GRINA: variants seen among roughly 807,000 people sequenced by gnomAD.
GRINA encodes the protein glutamate ionotropic receptor NMDA type subunit associated protein 1, also known as protein lifeguard 1.
A neutral mutation model predicts 42.5 loss-of-function variants in GRINA; 26 were observed. That is an observed-to-expected ratio of 0.61 (90% CI 0.45 to 0.85). GRINA has a LOEUF of 0.85. GRINA is among the 40% of genes least tolerant of loss of function. The pLI, the probability that GRINA is intolerant of heterozygous loss-of-function variation, is 0.00. For synonymous variants in GRINA, 256 were observed against 204.2 expected (o/e 1.25, Z -2.17); for missense variants, 475 against 481.5 (o/e 0.99, Z 0.13).
In GRINA at chr8:143,991,373, C is replaced by A; in HGVS notation, c.150C>A (p.Ser50=). 1 of 1,206,768 alleles carries A rather than the reference C, an allele frequency of 8.3e-7. No individual in the cohort carries two copies. The highest frequency in any genetic ancestry group is 1.2e-6 in the Non-Finnish European group (1 of 864,228). The allele number at this position is 1,206,768 out of a possible 1,614,324, so 74.8% of individuals were successfully genotyped here. The change falls in exon 2 of 7, where the codon TCC becomes TCA. Residue 50 remains serine (S), a synonymous_variant. Transcript: ENST00000395068. ...ACCCACAGCCCCCTTTCCAGCCCTC[C>A]CCCTACGGTCAGCCAGGGTACCCCC... ...APYPQPPFQP[S]PYGQPGYPHG...
At position 143,992,706 on chromosome 8, in the gene GRINA, C is replaced by T. The variant is rs2133066713; in HGVS notation, c.981C>T (p.Asp327=). The T allele has an allele frequency of 1.2e-6, 2 of 1,613,974 alleles. No homozygotes were observed. The highest frequency in any genetic ancestry group is 1.1e-5 in the South Asian group (1 of 91,078). ...ALLFTCFLAV[D]TQLLLGNKQL... is the part of the protein sequence containing the mutation. ...GTCACCTCCAGTTCCTCGCAGTGGA[C>T]ACCCAGCTGCTACTGGGGAACAAGC... Residue 327 remains aspartate, a synonymous_variant, in exon 7 of 7, where the codon GAC becomes GAT. Coordinates refer to ENST00000395068, the MANE Select transcript of GRINA (RefSeq NM_001009184.2).
At position 143,991,511 on chromosome 8, in the gene GRINA, A is replaced by AGG; in HGVS notation, c.292_293dup (p.Tyr99AlafsTer70). 1 of 1,542,128 alleles carries AGG rather than the reference A, an allele frequency of 6.5e-7. No individual in the cohort carries two copies. Among genetic ancestry groups the AGG allele is most frequent in the Non-Finnish European group, 8.7e-7 (1 of 1,145,408 alleles). On this transcript the variant is annotated frameshift_variant, in exon 2 of 7. Coordinates refer to ENST00000395068, the MANE Select transcript of GRINA (RefSeq NM_001009184.2). LOFTEE classifies it high-confidence loss of function. Reference sequence around the variant, plus strand: ...GCTACCCACAGGGCCCCTACCCCCAAGGGGGCTACCCCCAGGGGCCATATC... The same window carrying AGG: ...GCTACCCACAGGGCCCCTACCCCCAAGGGGGGGCTACCCCCAGGGGCCATATC...
At chr8:143,991,135 C>T (rs918191885) in intron 1 of GRINA, 65 bp from the exon 2 acceptor site, 2 of 849,318 alleles carry the variant, frequency 2.4e-6, no homozygotes, top group African/African-American at 3.6e-5. Context: ...TGGAGTTGCG[C>T]AGGGCTGGGT....
intron 2 of GRINA, 27 bp downstream of exon 2, chr8:143,991,629 G>A (rs1834098993): frequency 6.3e-7 from 1 of 1,597,342 alleles, no homozygotes; most frequent in South Asian, 1.1e-5. Context: ...GAGGGGTGGG[G>A]TGGCCGGGAG....
In GRINA at chr8:143,992,863, C is replaced by T. The variant is rs1554750830; in HGVS notation, c.*22C>T. ...GTAGCCGAGCTCCAGCTCGCTGTGC[C>T]CGCTCAGGTGGCACGGCTGGCCTGG... On this transcript the variant is annotated 3_prime_UTR_variant, in exon 7 of 7. Transcript: ENST00000395068. 2 of 1,609,442 alleles carry T rather than the reference C, an allele frequency of 1.2e-6. No individual in the cohort carries two copies. Among genetic ancestry groups the T allele is most frequent in the Non-Finnish European group, 1.7e-6 (2 of 1,177,900 alleles).
In GRINA at chr8:143,991,446, C is replaced by A; in HGVS notation, c.223C>A (p.Pro75Thr). The change falls in exon 2 of 7, where the codon CCC becomes ACC. Residue 75 changes from proline (P) to threonine (T), a missense_variant. Pro to Thr is a conservative substitution (Grantham distance 38). Around this residue, in one of 2 missense-constraint regions of GRINA, gnomAD observed 321 missense variants for 267.2 expected, o/e 1.20. Transcript: ENST00000395068. ...PQGGYPQGPY[P>T]QGGYPQGPYP... ...AGGGGGCTACCCACAGGGTCCCTAC[C>A]CCCAAGGGGGCTACCCACAGGGCCC... The A allele has an allele frequency of 1.4e-6, 2 of 1,473,212 alleles. No individual in the cohort carries two copies. The highest frequency in any genetic ancestry group is 1.4e-5 in the South Asian group (1 of 72,424). 91.3% of individuals were successfully genotyped at this position (1,473,212 alleles called of 1,614,324 possible). A position where few individuals can be genotyped will look rare whatever the true frequency, so the allele number is the denominator to read the frequency against.
Position 143,993,080 on chromosome 8 carries a change from T to G in GRINA, c.*239T>G. On this transcript the variant is annotated 3_prime_UTR_variant, in exon 7 of 7. Transcript: ENST00000395068. ...CCGCCAAGGGGCACCAAGGCCACGT[T>G]TCCGTGCCACCTCCTGTCTACTCAT... The G allele has an allele frequency of 1.4e-5, 7 of 508,292 alleles. No individual in the cohort carries two copies. Among genetic ancestry groups the G allele is most frequent in the Admixed American group, 3.5e-5 (1 of 28,360 alleles). The allele number at this position is 508,292 out of a possible 1,614,324, so 31.5% of individuals were successfully genotyped here.
In GRINA at chr8:143,993,120, T is replaced by G; in HGVS notation, c.*279T>G. On this transcript the variant is annotated 3_prime_UTR_variant, in exon 7 of 7. Transcript: ENST00000395068. ...TGTCTACTCATTGTTGCATGAGCCC[T>G]GTCTGCCAGCCCACCCCAGGGACTG... 2.5e-6 allele frequency: 1 copy of G among 407,932 alleles called. No individual in the cohort carries two copies. Among genetic ancestry groups the G allele is most frequent in the African/African-American group, 2.0e-5 (1 of 49,644 alleles). The allele number at this position is 407,932 out of a possible 1,614,324, so 25.3% of individuals were successfully genotyped here. A position where few individuals can be genotyped will look rare whatever the true frequency, so the allele number is the denominator to read the frequency against.
rs1230924369 is a variant in GRINA, at chr8:143,990,673, C to A, written c.-25+474C>A. On this transcript the variant is annotated intron_variant, in intron 1 of 6. Transcript: ENST00000395068. This position sits in a 1 kb window ranked among gnomAD's most constrained non-coding sequence, Gnocchi z 5.6. ...CACCCCGGAGCCAGGGGCCGTTGGG[C>A]CCTGTTGTTGGGCTCGCGGGGGTGG... The A allele has an allele frequency of 6.6e-6, 1 of 152,102 alleles. No homozygotes were observed. The highest frequency in any genetic ancestry group is 2.4e-5 in the African/African-American group (1 of 41,422). 9.4% of individuals were successfully genotyped at this position (152,102 alleles called of 1,614,324 possible). A position where few individuals can be genotyped will look rare whatever the true frequency, so the allele number is the denominator to read the frequency against.
rs1554750543 is a variant in GRINA at position 143,991,744 on chromosome 8, C to A, written c.432C>A (p.Asn144Lys). 1 of 1,613,874 alleles carries A rather than the reference C, an allele frequency of 6.2e-7. No homozygotes were observed. The highest frequency in any genetic ancestry group is 2.2e-5 in the East Asian group (1 of 44,884). The change falls in exon 3 of 7, where the codon AAC becomes AAA. Residue 144 changes from asparagine (N) to lysine (K), a missense_variant. Transcript: ENST00000395068. ...QEEGPPSYYD[N>K]QDFPATNWDD... ...AGGGTCCCCCATCCTACTATGACAA[C>A]CAGGACTTCCCTGCCACCAACTGGG...
In GRINA at chr8:143,991,386, C is replaced by G; in HGVS notation, c.163C>G (p.Pro55Ala). Residue 55 changes from proline to alanine, a missense_variant, in exon 2 of 7, where the codon CCA becomes GCA. This residue lies in a region of GRINA where 321 missense variants were observed against 267.2 expected (regional missense o/e 1.20). Coordinates refer to ENST00000395068, the MANE Select transcript of GRINA (RefSeq NM_001009184.2). ...PPFQPSPYGQ[P>A]GYPHGPSPYP... is the part of the protein sequence containing the mutation. ...TTTCCAGCCCTCCCCCTACGGTCAGCCAGGGTACCCCCATGGCCCCAGCCC... is the reference window on the plus strand; with the variant it reads ...TTTCCAGCCCTCCCCCTACGGTCAGGCAGGGTACCCCCATGGCCCCAGCCC... The G allele has an allele frequency of 8.4e-7, 1 of 1,188,952 alleles. No homozygotes were observed. The highest frequency in any genetic ancestry group is 1.2e-6 in the Non-Finnish European group (1 of 854,686). The allele number at this position is 1,188,952 out of a possible 1,614,324, so 73.7% of individuals were successfully genotyped here.
Position 143,992,676 on chromosome 8 carries a change from G to C in GRINA, c.967-16G>C. 1.2e-6 allele frequency: 2 copies of C among 1,613,944 alleles called. No homozygotes were observed. The highest frequency in any genetic ancestry group is 1.7e-6 in the Non-Finnish European group (2 of 1,179,960). Reference sequence around the variant, plus strand: ...GGCAGGCTTGTCCCTCAACACCACTGTGCTGTCACCTCCAGTTCCTCGCAG... The same window carrying C: ...GGCAGGCTTGTCCCTCAACACCACTCTGCTGTCACCTCCAGTTCCTCGCAG... On this transcript the variant is annotated splice_polypyrimidine_tract_variant and intron_variant, in intron 6 of 6. Transcript: ENST00000395068.
At chr8:143,991,660 A>T (rs782650412) in intron 2 of GRINA, 32 bp from the exon 3 acceptor site, 1 of 1,592,030 alleles carries the variant, frequency 6.3e-7, no homozygotes, top group South Asian at 1.1e-5. Flanking sequence ...GGTGCTTGTG[A>T]GTGGCGCTGA....
At position 143,992,917 on chromosome 8, in the gene GRINA, T is replaced by G; in HGVS notation, c.*76T>G. 3 of 1,266,768 alleles carry G rather than the reference T, an allele frequency of 2.4e-6. No homozygotes were observed. Among genetic ancestry groups the G allele is most frequent in the Non-Finnish European group, 3.3e-6 (3 of 896,060 alleles). 78.5% of individuals were successfully genotyped at this position (1,266,768 alleles called of 1,614,324 possible). A position where few individuals can be genotyped will look rare whatever the true frequency, so the allele number is the denominator to read the frequency against. On this transcript the variant is annotated 3_prime_UTR_variant, in exon 7 of 7. Coordinates refer to ENST00000395068, the MANE Select transcript of GRINA (RefSeq NM_001009184.2). ...CTGCCCCTGGCACGGCAGTGCCAGC[T>G]GTACTTCCCCTCTCTCTTGTCCCCA...
chr8:143,992,838 G>A lies in GRINA; in HGVS notation c.1113G>A (p.Glu371=). The part of the protein sequence containing the change: ...YILTIIGRAK[E] Reference sequence around the variant, plus strand: ...TCACCATCATTGGCCGCGCCAAGGAGTAGCCGAGCTCCAGCTCGCTGTGCC... The same window carrying A: ...TCACCATCATTGGCCGCGCCAAGGAATAGCCGAGCTCCAGCTCGCTGTGCC... The change falls in exon 7 of 7, where the codon GAG becomes GAA. Residue 371 remains glutamate (E), a synonymous_variant. Transcript: ENST00000395068. 1.2e-6 allele frequency: 2 copies of A among 1,612,842 alleles called. No homozygotes were observed. The highest frequency in any genetic ancestry group is 8.5e-7 in the Non-Finnish European group (1 of 1,179,632).
In GRINA at chr8:143,991,525, A is replaced by C; in HGVS notation, c.302A>C (p.Gln101Pro). ...QGPYPQGGYP[Q>P]GPYPQSPFPP... ...CCCTACCCCCAAGGGGGCTACCCCC[A>C]GGGGCCATATCCCCAGAGCCCCTTC... Residue 101 changes from glutamine to proline, a missense_variant, in exon 2 of 7, where the codon CAG becomes CCG. By Grantham distance (76) the Gln-to-Pro change is moderately conservative (BLOSUM62 -1). Transcript: ENST00000395068. The C allele has an allele frequency of 6.5e-7, 1 of 1,541,820 alleles. No homozygotes were observed. The highest frequency in any genetic ancestry group is 2.3e-5 in the East Asian group (1 of 44,094).
Position 143,991,176 on chromosome 8 carries a change from C to T in GRINA, c.-24-24C>T, listed in dbSNP as rs373754213. On this transcript the variant is annotated intron_variant, in intron 1 of 6. Coordinates refer to ENST00000395068, the MANE Select transcript of GRINA (RefSeq NM_001009184.2). The stretch of plus-strand genomic sequence containing the variant: ...CGCTGTCGTCAAGCCAACTGTTCCA[C>T]TGTTCCTTGTCTGTCTTCTCTAGGG... The T allele has an allele frequency of 6.3e-6, 9 of 1,423,274 alleles. No individual in the cohort carries two copies. The East Asian group carries it at 7.7e-5, about 12-fold the overall frequency. The allele number at this position is 1,423,274 out of a possible 1,614,324, so 88.2% of individuals were successfully genotyped here. A position where few individuals can be genotyped will look rare whatever the true frequency, so the allele number is the denominator to read the frequency against.
At position 143,992,240 on chromosome 8, in the gene GRINA, T is replaced by G. The variant is rs1554750664; in HGVS notation, c.694-5T>G. On this transcript the variant is annotated splice_polypyrimidine_tract_variant and splice_region_variant and intron_variant, in intron 4 of 6. Transcript: ENST00000395068. ...CCAAGGTCAGCCTGTGTCTCCCAAC[T>G]GCAGTCGGTCCTGACCGCCAGCCTG... 4 of 1,604,110 alleles carry G rather than the reference T, an allele frequency of 2.5e-6. 1 individual carries two copies. In the South Asian group the frequency reaches 4.5e-5, roughly 18 times the overall value.
chr8:143,991,479 C>G lies in GRINA; in HGVS notation c.256C>G (p.Gln86Glu), dbSNP rs1834094699. The change falls in exon 2 of 7, where the codon CAA becomes GAA. Residue 86 changes from glutamine (Q) to glutamate (E), a missense_variant. Physicochemically the swap from Gln to Glu is conservative, Grantham distance 29 (BLOSUM62 2). Around this residue, in one of 2 missense-constraint regions of GRINA, gnomAD observed 321 missense variants for 267.2 expected, o/e 1.20. Coordinates refer to ENST00000395068, the MANE Select transcript of GRINA (RefSeq NM_001009184.2). ...QGGYPQGPYP[Q>E]EGYPQGPYPQ... is the part of the protein sequence containing the mutation. ...GGGCTACCCACAGGGCCCCTACCCA[C>G]AAGAGGGCTACCCACAGGGCCCCTA... is the stretch of plus-strand genomic sequence containing the variant. 3 of 1,517,946 alleles carry G rather than the reference C, an allele frequency of 2.0e-6. No individual in the cohort carries two copies. Among genetic ancestry groups the G allele is most frequent in the East Asian group, 4.7e-5 (2 of 42,160 alleles). 94.0% of individuals were successfully genotyped at this position (1,517,946 alleles called of 1,614,324 possible). A position where few individuals can be genotyped will look rare whatever the true frequency, so the allele number is the denominator to read the frequency against.
Sources: gnomAD v4.1 joint callset for allele counts on GRCh38, gnomAD v4.1.1 for gene constraint, gnomAD v4.1.1 regional missense constraint, Gnocchi (gnomAD v3.1) non-coding constraint, MANE v1.5 for transcripts, NCBI Gene and HGNC (gene_info 2026-07-23, HGNC 2026-07-21) for gene names.